GATB: variants seen among roughly 807,000 people sequenced by gnomAD.
GATB encodes glutamyl-tRNA(Gln) amidotransferase subunit B, mitochondrial.
A neutral mutation model predicts 62.3 loss-of-function variants in GATB; 39 were observed. The ratio of observed to expected loss-of-function variants is 0.63; its 90% CI spans 0.48 to 0.82. The LOEUF is 0.82. GATB is among the 40% of genes least tolerant of loss of function. The pLI is 0.00. For missense variants in GATB, 670 were observed against 684.0 expected, an observed-to-expected ratio of 0.98 and a Z score of 0.23; for synonymous variants, 276 against 258.9, an observed-to-expected ratio of 1.07 and a Z score of -0.63.
At chr4:151,686,262 G>A (rs1314556259) in intron 10 of GATB, among the ~76,000 whole-genome samples, 2 of 152,054 alleles carry the variant, frequency 1.3e-5, no homozygotes, top group Non-Finnish European at 2.9e-5. Context: ...TGAGGAAACT[G>A]AGGGTCAGAG....
chr4:151,752,079 G>A (rs1438422034), intron 2 of GATB, among the ~76,000 whole-genome samples: 1 of 152,094 alleles, frequency 6.6e-6, no homozygotes, highest in Non-Finnish European at 1.5e-5. Context: ...CGAATTCTAG[G>A]TTAGAATTAT....
At chr4:151,678,898 G>A (rs1354758045) in intron 11 of GATB, among the ~76,000 whole-genome samples, 1 of 151,816 alleles carries the variant, frequency 6.6e-6, no homozygotes, top group Non-Finnish European at 1.5e-5. Flanking sequence ...TTTTGTTTTT[G>A]TTTTTGTTTT....
intron 2 of GATB, among the ~76,000 whole-genome samples, chr4:151,746,717 C>A (rs1560865294): frequency 6.6e-6 from 1 of 152,042 alleles, no homozygotes; most frequent in Non-Finnish European, 1.5e-5. Flanking sequence ...ATAAAAAGAT[C>A]CTAAAAAACA....
At chr4:151,699,927 C>T (rs1738565074) in intron 9 of GATB, among the ~76,000 whole-genome samples, 1 of 152,182 alleles carries the variant, frequency 6.6e-6, no homozygotes, top group African/African-American at 2.4e-5. Flanking sequence ...AGGGAGGTAA[C>T]TTAAATCTTC....
chr4:151,701,575 C>A (rs1199330496), intron 8 of GATB, 57 bp from the exon 9 acceptor site: 9 of 1,212,686 alleles, frequency 7.4e-6, no homozygotes, highest in Non-Finnish European at 9.9e-6. Flanking sequence ...AATGAGAAAA[C>A]AAAACCTCCC....
intron 6 of GATB, among the ~76,000 whole-genome samples, chr4:151,707,375 C>A (rs1289672442): frequency 6.6e-6 from 1 of 152,168 alleles, no homozygotes; most frequent in Non-Finnish European, 1.5e-5. Context: ...CTCACTACAA[C>A]CTCAAACTCC....
intron 9 of GATB, among the ~76,000 whole-genome samples, chr4:151,698,519 A>G (rs1291276585): frequency 6.6e-6 from 1 of 152,200 alleles, no homozygotes; most frequent in African/African-American, 2.4e-5. Flanking sequence ...CGCTCTTTAA[A>G]TTGAAAGATG....
At chr4:151,718,030 A>G (rs1478857288) in intron 3 of GATB, among the ~76,000 whole-genome samples, 2 of 152,212 alleles carry the variant, frequency 1.3e-5, no homozygotes, top group Non-Finnish European at 2.9e-5. Flanking sequence ...ACCACTTGGC[A>G]GGCCCCCAGT....
chr4:151,683,036 T>C (rs1578897795), intron 10 of GATB, among the ~76,000 whole-genome samples: 1 of 151,898 alleles, frequency 6.6e-6, no homozygotes, highest in Non-Finnish European at 1.5e-5. Flanking sequence ...CCTCCACCCC[T>C]GCTCAGAACC....
At chr4:151,743,340 G>A (rs1199625996) in intron 2 of GATB, among the ~76,000 whole-genome samples, 1 of 152,134 alleles carries the variant, frequency 6.6e-6, no homozygotes, top group Admixed American at 6.6e-5. Context: ...TCTTGTCTTT[G>A]CTCTCTCCCT....
At chr4:151,712,209 G>C (rs1474229067) in intron 5 of GATB, among the ~76,000 whole-genome samples, 1 of 152,196 alleles carries the variant, frequency 6.6e-6, no homozygotes, top group Non-Finnish European at 1.5e-5. Context: ...TGTTGAAAGA[G>C]AGTTCACCAG....
chr4:151,739,818 A>G (rs1463704877), intron 2 of GATB, among the ~76,000 whole-genome samples: 1 of 152,192 alleles, frequency 6.6e-6, no homozygotes, highest in African/African-American at 2.4e-5. Context: ...GAACCACATG[A>G]GTGGGTTGGC....
chr4:151,727,536 C>G (rs1424399854), intron 2 of GATB, among the ~76,000 whole-genome samples: 1 of 151,908 alleles, frequency 6.6e-6, no homozygotes, highest in Admixed American at 6.6e-5. Context: ...GGTCTCTATT[C>G]CTTGTTCCCA....
intron 2 of GATB, chr4:151,722,072 G>C (rs1739042980): frequency 9.4e-6 from 6 of 639,226 alleles, no homozygotes; most frequent in Middle Eastern, 2.5e-4. Flanking sequence ...CCAGTAAACA[G>C]AGAGTGTCAG....
At chr4:151,688,810 G>T (rs777645735) in intron 9 of GATB, 47 bp from the exon 10 acceptor site, 6 of 1,548,822 alleles carry the variant, frequency 3.9e-6, no homozygotes, top group Non-Finnish European at 5.2e-6. Context: ...CCCCAAAAAT[G>T]AAAGATCAGC....
intron 2 of GATB, among the ~76,000 whole-genome samples, chr4:151,726,870 T>A (rs889057005): frequency 6.6e-6 from 1 of 152,190 alleles, no homozygotes; most frequent in East Asian, 1.9e-4. Context: ...ACGGTCACCA[T>A]GAGGCACTTG....
chr4:151,678,143 C>T (rs143099107), intron 11 of GATB, among the ~76,000 whole-genome samples: 5 of 152,246 alleles, frequency 3.3e-5, no homozygotes, highest in East Asian at 3.9e-4. Context: ...TGATACATCA[C>T]GGGGACCCCC....
intron 2 of GATB, chr4:151,722,058 G>A: frequency 1.6e-6 from 1 of 622,456 alleles, no homozygotes; most frequent in Non-Finnish European, 2.8e-6. Flanking sequence ...GATGCACAGA[G>A]GGCCCAGTAA....
At chr4:151,715,662 A>G (rs1198929977) in intron 5 of GATB, among the ~76,000 whole-genome samples, 1 of 152,224 alleles carries the variant, frequency 6.6e-6, no homozygotes, top group African/African-American at 2.4e-5. Context: ...ATGAAGTGCT[A>G]TCTATACGGT....
Sources: allele counts gnomAD v4.1 joint callset (sites outside exome capture counted in the v4.1 genomes callset), GRCh38; gene constraint gnomAD v4.1.1; transcripts MANE v1.5; gene names NCBI Gene and HGNC (gene_info 2026-07-23, HGNC 2026-07-21).